TMEM69: variants seen among roughly 807,000 people sequenced by gnomAD.
TMEM69 encodes the protein transmembrane protein 69.
TMEM69 carries 17 observed loss-of-function variants against 15.8 expected under a neutral mutation model. That is an observed-to-expected ratio of 1.07 (90% CI 0.73 to 1.61). The LOEUF (loss-of-function observed/expected upper bound fraction) is 1.61, where lower values mean the gene tolerates loss of function less well. Ranked by LOEUF, TMEM69 falls within the 40% of genes most tolerant of loss-of-function variation. TMEM69 has a pLI of 0.00. For synonymous variants in TMEM69, 80 were observed against 98.6 expected (o/e 0.81, Z 1.12); for missense variants, 230 against 286.1 (o/e 0.80, Z 1.41).
At chr1:45,692,115 C>A (rs1000658036) in intron 2 of TMEM69, among the ~76,000 whole-genome samples, 1 of 152,060 alleles carries the variant, frequency 6.6e-6, no homozygotes, top group African/African-American at 2.4e-5. Context: ...CCACTGCACT[C>A]CAGCCTGGGT....
chr1:45,693,344 A>G lies in TMEM69; in HGVS notation c.183A>G (p.Thr61=), dbSNP rs754102618. Residue 61 remains threonine, a synonymous_variant, in exon 3 of 3, where the codon ACA becomes ACG. Coordinates refer to ENST00000372025, the MANE Select transcript of TMEM69 (RefSeq NM_016486.4). ...CATTTCCAGCGTATATGAGCAAGAC[A>G]CAGTGCTATCATACATCCCCCTGCA... ...SSSFPAYMSK[T]QCYHTSPCSF... 1.9e-6 allele frequency: 3 copies of G among 1,614,048 alleles called. No individual in the cohort carries two copies. The highest frequency in any genetic ancestry group is 1.3e-5 in the African/African-American group (1 of 74,910).
Position 45,693,405 on chromosome 1 carries a change from A to C in TMEM69, c.244A>C (p.Arg82=). 6.2e-7 allele frequency: 1 copy of C among 1,614,224 alleles called. No individual in the cohort carries two copies. The highest frequency in any genetic ancestry group is 8.5e-7 in the Non-Finnish European group (1 of 1,180,044). ...GCAGCAGAAGCAAGCACTTCTAGCCAGACCCTCAAGCACCATCACTTACCT... is the reference window on the plus strand; with the variant it reads ...GCAGCAGAAGCAAGCACTTCTAGCCCGACCCTCAAGCACCATCACTTACCT... ...KKQQKQALLA[R]PSSTITYLTD... is the part of the protein sequence containing the mutation. Residue 82 remains arginine, a synonymous_variant, in exon 3 of 3, where the codon AGA becomes CGA. Transcript: ENST00000372025.
chr1:45,688,616 G>GGA (rs578082849), intron 1 of TMEM69, among the ~76,000 whole-genome samples: 215 of 152,232 alleles, frequency 1.4e-3, no homozygotes, highest in Non-Finnish European at 2.2e-3. Context: ...GTGCCACAGA[G>GGA]GAAAGGGAGT....
At chr1:45,691,161 G>A (rs749365242) in intron 2 of TMEM69, 51 bp downstream of exon 2, 10 of 1,556,102 alleles carry the variant, frequency 6.4e-6, no homozygotes, top group Admixed American at 5.0e-5. Context: ...TATTGCTTGG[G>A]CTAGGTCAGT....
Position 45,693,323 on chromosome 1 carries a change from T to C in TMEM69, c.162T>C (p.Phe54=). 1 of 1,614,156 alleles carries C rather than the reference T, an allele frequency of 6.2e-7. No homozygotes were observed. The highest frequency in any genetic ancestry group is 8.5e-7 in the Non-Finnish European group (1 of 1,180,032). The change falls in exon 3 of 3, where the codon TTT becomes TTC. Residue 54 remains phenylalanine, a synonymous_variant. Coordinates refer to ENST00000372025, the MANE Select transcript of TMEM69 (RefSeq NM_016486.4). ...PCPRPWLSSS[F]PAYMSKTQCY... ...CAAGGCCTTGGCTTTCCTCATCATT[T>C]CCAGCGTATATGAGCAAGACACAGT...
rs532702940 is a variant in TMEM69 at position 45,694,211 on chromosome 1, CT to C, written c.*313del. On this transcript the variant is annotated 3_prime_UTR_variant, in exon 3 of 3. Transcript: ENST00000372025. ...TACACCTTTTTCTACTTCTGTTTGG[CT>C]TTTTTTCCCCACACCAATGGTAATT... 343 of 513,022 alleles carry C rather than the reference CT, an allele frequency of 6.7e-4. No homozygotes were observed. The highest frequency in any genetic ancestry group is 5.3e-3 in the African/African-American group (272 of 51,380). The allele number at this position is 513,022 out of a possible 1,614,324, so 31.8% of individuals were successfully genotyped here. A position where few individuals can be genotyped will look rare whatever the true frequency, so the allele number is the denominator to read the frequency against.
chr1:45,691,185 A>T, intron 2 of TMEM69, 75 bp downstream of exon 2: 2 of 1,296,986 alleles, frequency 1.5e-6, no homozygotes, highest in South Asian at 2.4e-5. Context: ...AGTGAAAAAG[A>T]CAAAAATCCT....
In TMEM69 at chr1:45,693,817, C is replaced by T. The variant is rs1189204256; in HGVS notation, c.656C>T (p.Thr219Ile). The T allele has an allele frequency of 6.2e-7, 1 of 1,614,130 alleles. No homozygotes were observed. Among genetic ancestry groups the T allele is most frequent in the South Asian group, 1.1e-5 (1 of 91,076 alleles). The change falls in exon 3 of 3, where the codon ACT (threonine) becomes ATT (isoleucine). Residue 219 changes from threonine to isoleucine, a missense_variant. Physicochemically the swap from Thr to Ile is moderately conservative, Grantham distance 89. Transcript: ENST00000372025. ...NWFKALRIVV[T>I]LLATFSFIIT... ...TTTAAAGCCCTGAGGATAGTAGTCA[C>T]TTTATTGGCCACTTTTTCATTTATA... is the stretch of plus-strand genomic sequence containing the variant.
At chr1:45,688,346 G>C (rs149985128) in intron 1 of TMEM69, 71 bp downstream of exon 1, 3 of 152,240 alleles carry the variant, frequency 2.0e-5, no homozygotes, top group African/African-American at 7.2e-5. Context: ...GGGCACCAAG[G>C]GTTGGTAGTA....
intron 2 of TMEM69, among the ~76,000 whole-genome samples, chr1:45,692,514 C>T (rs1452571429): frequency 6.6e-6 from 1 of 152,194 alleles, no homozygotes; most frequent in Admixed American, 6.5e-5. Flanking sequence ...ACGGTCCTGG[C>T]TCTCAAGTCT....
intron 1 of TMEM69, among the ~76,000 whole-genome samples, chr1:45,690,762 TC>T (rs1645339476): frequency 1.3e-5 from 2 of 152,188 alleles, no homozygotes; most frequent in Admixed American, 1.3e-4. Context: ...CTGTAAAATC[TC>T]TATGTGCATT....
At chr1:45,690,190 G>A (rs1645335858) in intron 1 of TMEM69, among the ~76,000 whole-genome samples, 1 of 152,136 alleles carries the variant, frequency 6.6e-6, no homozygotes, top group South Asian at 2.1e-4. Context: ...AGTTAATGAG[G>A]TTATTTTGAG....
At chr1:45,688,839 T>C (rs759740011) in intron 1 of TMEM69, among the ~76,000 whole-genome samples, 10 of 151,972 alleles carry the variant, frequency 6.6e-5, no homozygotes, top group Non-Finnish European at 1.3e-4. Context: ...ATGAAGACAT[T>C]AACTGGTATA....
chr1:45,690,471 C>T (rs1286398044), intron 1 of TMEM69, among the ~76,000 whole-genome samples: 3 of 152,170 alleles, frequency 2.0e-5, no homozygotes, highest in Non-Finnish European at 4.4e-5. Context: ...CACTGCACTC[C>T]AGCCTGGGCG....
intron 2 of TMEM69, among the ~76,000 whole-genome samples, chr1:45,691,611 G>C (rs1381569392): frequency 2.6e-5 from 4 of 152,050 alleles, no homozygotes; most frequent in African/African-American, 9.7e-5. Context: ...AGTTGAGGCA[G>C]GTGGATCACT....
At chr1:45,688,346 G>A (rs149985128) in intron 1 of TMEM69, 71 bp downstream of exon 1, 1 of 152,122 alleles carries the variant, frequency 6.6e-6, no homozygotes, top group African/African-American at 2.4e-5. Flanking sequence ...GGGCACCAAG[G>A]GTTGGTAGTA....
rs756577805 is a variant in TMEM69 at position 45,691,095 on chromosome 1, TCAAG to T, written c.30_33del (p.Gln10HisfsTer6). ...TGCTTCGCTTCATCCAGAAGTTTTC[TCAAG>T]CATCTTCAAAGGTTGGTTTGTTCAG... On this transcript the variant is annotated frameshift_variant, in exon 2 of 3. Transcript: ENST00000372025. LOFTEE classifies it high-confidence loss of function. 5 of 1,614,248 alleles carry T rather than the reference TCAAG, an allele frequency of 3.1e-6. No homozygotes were observed. The South Asian group carries it at 5.5e-5, about 18-fold the overall frequency.
chr1:45,689,135 C>T (rs924342364), intron 1 of TMEM69, among the ~76,000 whole-genome samples: 5 of 151,994 alleles, frequency 3.3e-5, no homozygotes, highest in Non-Finnish European at 7.4e-5. Context: ...GTCTCGAACT[C>T]CTGACCTCGT....
chr1:45,688,904 T>G (rs1645322331), intron 1 of TMEM69, among the ~76,000 whole-genome samples: 1 of 31,082 alleles, frequency 3.2e-5, no homozygotes, highest in South Asian at 1.0e-3. Flanking sequence ...GTTCAATCGA[T>G]TTTTTTTTTT....
Sources: allele counts gnomAD v4.1 joint callset (sites outside exome capture counted in the v4.1 genomes callset), GRCh38; gene constraint gnomAD v4.1.1; transcripts MANE v1.5; gene names NCBI Gene and HGNC (gene_info 2026-07-23, HGNC 2026-07-21).